BMPR1B: variants seen among roughly 807,000 people sequenced by gnomAD.
BMPR1B encodes the protein bone morphogenetic protein receptor type-1B.
Under a neutral mutation model 59.1 loss-of-function variants are expected in BMPR1B, and 12 were observed. That is an observed-to-expected ratio of 0.20 (90% CI 0.13 to 0.33). The LOEUF is 0.33. Ranked by LOEUF, BMPR1B falls within the 10% of genes least tolerant of loss-of-function variation. The pLI, the probability that BMPR1B is intolerant of heterozygous loss-of-function variation, is 1.00. For missense variants in BMPR1B, 550 were observed against 610.9 expected (o/e 0.90, Z 1.05); for synonymous variants, 237 against 207.3 (o/e 1.14, Z -1.23).
rs748524936 is a variant in BMPR1B at position 95,131,460 on chromosome 4, A to G, written c.1024A>G (p.Lys342Glu). The G allele has an allele frequency of 8.1e-6, 13 of 1,613,982 alleles. 1 individual carries two copies. The East Asian group carries it at 1.1e-4, about 14-fold the overall frequency. Residue 342 changes from lysine to glutamate, a missense_variant, in exon 10 of 13, where the codon AAA becomes GAA. By Grantham distance (56) the Lys-to-Glu change is moderately conservative. Transcript: ENST00000515059. ...DLKSKNILVK[K>E]NGTCCIADLG... ...GAAAAGTAAAAACATTCTGGTGAAGAAAAATGGAACTTGCTGTATTGCTGA... is the reference window on the plus strand; with the variant it reads ...GAAAAGTAAAAACATTCTGGTGAAGGAAAATGGAACTTGCTGTATTGCTGA...
intron 3 of BMPR1B, among the ~76,000 whole-genome samples, chr4:95,060,730 C>T (rs1311598985): frequency 1.3e-5 from 2 of 152,130 alleles, no homozygotes; most frequent in Non-Finnish European, 2.9e-5. Flanking sequence ...GGGCCCTCTG[C>T]TCATCCCCAG....
At chr4:94,763,333 A>C (rs755738728) in intron 1 of BMPR1B, among the ~76,000 whole-genome samples, 1 of 152,236 alleles carries the variant, frequency 6.6e-6, no homozygotes, top group East Asian at 1.9e-4. Flanking sequence ...GATGTTACAC[A>C]TCATTGTACT....
At chr4:95,034,969 C>G (rs941310870) in intron 3 of BMPR1B, among the ~76,000 whole-genome samples, 2 of 152,016 alleles carry the variant, frequency 1.3e-5, no homozygotes, top group Non-Finnish European at 1.5e-5. Context: ...TAATCATGAT[C>G]ATTTTTGCAG....
intron 2 of BMPR1B, among the ~76,000 whole-genome samples, chr4:94,913,188 T>C (rs766164877): frequency 1.2e-4 from 19 of 152,288 alleles, no homozygotes; most frequent in Middle Eastern, 6.8e-3. Flanking sequence ...GCAACATATA[T>C]GTATAGTGTA....
At chr4:94,888,294 GGTGA>G (rs1455712012) in intron 2 of BMPR1B, among the ~76,000 whole-genome samples, 36 of 151,912 alleles carry the variant, frequency 2.4e-4, no homozygotes, top group Non-Finnish European at 1.2e-4. Context: ...AATGACTGAT[GGTGA>G]GTATTTAAAA....
At chr4:94,778,584 AAT>A (rs1291800044) in intron 1 of BMPR1B, among the ~76,000 whole-genome samples, 2 of 152,226 alleles carry the variant, frequency 1.3e-5, no homozygotes, top group Admixed American at 1.3e-4. Context: ...CTCTTTTTTA[AAT>A]GTATAAGACG....
intron 1 of BMPR1B, among the ~76,000 whole-genome samples, chr4:94,841,725 T>C (rs12504235): frequency 0.12 from 18,366 of 152,168 alleles, 1,166 homozygotes; most frequent in Non-Finnish European, 0.13. Flanking sequence ...TCTTCTGCGT[T>C]GCTCACGCTG....
intron 3 of BMPR1B, among the ~76,000 whole-genome samples, chr4:95,098,955 A>G (rs1202194717): frequency 6.6e-6 from 1 of 152,138 alleles, no homozygotes; most frequent in Non-Finnish European, 1.5e-5. Context: ...TGACCTCGTG[A>G]TCTGCCTGCC....
intron 3 of BMPR1B, among the ~76,000 whole-genome samples, chr4:95,030,009 G>A (rs1334495900): frequency 6.6e-6 from 1 of 151,638 alleles, no homozygotes; most frequent in Non-Finnish European, 1.5e-5. Context: ...GTAGATTCTG[G>A]ATATTAGCCC....
chr4:95,100,496 CTGTT>C (rs1316838967), intron 3 of BMPR1B, among the ~76,000 whole-genome samples: 3 of 151,960 alleles, frequency 2.0e-5, no homozygotes, highest in East Asian at 1.9e-4. Context: ...ATTAGGGTGT[CTGTT>C]TGTCTACAGT....
At chr4:95,016,380 A>G (rs1410176740) in intron 3 of BMPR1B, among the ~76,000 whole-genome samples, 1 of 152,190 alleles carries the variant, frequency 6.6e-6, no homozygotes, top group African/African-American at 2.4e-5. Context: ...TTATGCATGG[A>G]TGAGAGATTC....
intron 2 of BMPR1B, among the ~76,000 whole-genome samples, chr4:94,971,303 A>G (rs1578865476): frequency 6.6e-6 from 1 of 152,162 alleles, no homozygotes; most frequent in East Asian, 1.9e-4. Flanking sequence ...TCCCATTGGC[A>G]TTTGACAACA....
chr4:94,877,880 T>C (rs1726791400), intron 2 of BMPR1B, among the ~76,000 whole-genome samples: 1 of 152,160 alleles, frequency 6.6e-6, no homozygotes, highest in African/African-American at 2.4e-5. Flanking sequence ...TTAGACAAAT[T>C]TGGTAGCAAA....
intron 2 of BMPR1B, among the ~76,000 whole-genome samples, chr4:94,916,978 AG>A (rs1728506667): frequency 6.6e-6 from 1 of 152,248 alleles, no homozygotes; most frequent in South Asian, 2.1e-4. Flanking sequence ...CATGTCTCAA[AG>A]GGGCCTAGGT....
At chr4:94,940,925 G>A (rs1048175599) in intron 2 of BMPR1B, among the ~76,000 whole-genome samples, 2 of 151,982 alleles carry the variant, frequency 1.3e-5, no homozygotes, top group East Asian at 1.9e-4. Flanking sequence ...TTGTAGGTTC[G>A]TGGTACTAGG....
At chr4:94,806,768 G>A (rs1443004351) in intron 1 of BMPR1B, among the ~76,000 whole-genome samples, 1 of 152,050 alleles carries the variant, frequency 6.6e-6, no homozygotes, top group Non-Finnish European at 1.5e-5. Context: ...TTAGCGTAGC[G>A]TTGTCCCAAA....
chr4:94,869,206 C>CT (rs1469417256), intron 1 of BMPR1B, among the ~76,000 whole-genome samples: 11 of 151,902 alleles, frequency 7.2e-5, no homozygotes, highest in Admixed American at 7.2e-4. Flanking sequence ...TTGTTTTACT[C>CT]TTTCTGAAAT....
intron 2 of BMPR1B, among the ~76,000 whole-genome samples, chr4:94,902,046 GGTGTGTGT>G (rs34068392): frequency 3.7e-4 from 44 of 119,250 alleles, no homozygotes; most frequent in East Asian, 1.8e-3. Flanking sequence ...CAGACTGCAT[GGTGTGTGT>G]GTGTGTGTGT....
intron 3 of BMPR1B, among the ~76,000 whole-genome samples, chr4:95,021,785 A>C (rs1164077859): frequency 6.6e-6 from 1 of 152,218 alleles, no homozygotes; most frequent in African/African-American, 2.4e-5. Context: ...TAAAATGAAC[A>C]CTATTAATGC....
Sources: gnomAD v4.1 joint callset for allele counts (sites outside exome capture counted in the v4.1 genomes callset) on GRCh38, gnomAD v4.1.1 for gene constraint, MANE v1.5 for transcripts, NCBI Gene and HGNC (gene_info 2026-07-23, HGNC 2026-07-21) for gene names.